The following GMNN variants were observed in gnomAD, a reference collection of about 807,000 sequenced individuals.
GMNN encodes geminin DNA replication inhibitor.
Under a neutral mutation model 20.9 loss-of-function variants are expected in GMNN, and 14 were observed. That is an observed-to-expected ratio of 0.67 (90% CI 0.44 to 1.05). The LOEUF (loss-of-function observed/expected upper bound fraction) is 1.05. GMNN is among the 50% of genes least tolerant of loss of function. GMNN has a pLI of 0.00. For synonymous variants in GMNN, 81 were observed against 85.8 expected (o/e 0.94, Z 0.31); for missense variants, 227 against 243.8 (o/e 0.93, Z 0.46).
chr6:24,785,193 G>A (rs1458335707), intron 6 of GMNN, among the ~76,000 whole-genome samples: 2 of 152,078 alleles, frequency 1.3e-5, no homozygotes, highest in Non-Finnish European at 2.9e-5. Context: ...TAGGAAGAAA[G>A]TTTTTCAAAT....
chr6:24,781,159 A>T (rs1220288464), intron 3 of GMNN, among the ~76,000 whole-genome samples: 2 of 152,144 alleles, frequency 1.3e-5, no homozygotes, highest in Non-Finnish European at 2.9e-5. Context: ...AGCCGAGGTC[A>T]CACCACTGCA....
chr6:24,781,470 A>T lies in GMNN; in HGVS notation c.130-7A>T. Reference sequence around the variant, plus strand: ...GTAAATACAGTTGATAAGTGTTTTCATTATAGCTGTCCGCAGGCTTGTCCA... The same window carrying T: ...GTAAATACAGTTGATAAGTGTTTTCTTTATAGCTGTCCGCAGGCTTGTCCA... On this transcript the variant is annotated splice_polypyrimidine_tract_variant and splice_region_variant and intron_variant, in intron 3 of 6. Coordinates refer to ENST00000230056, the MANE Select transcript of GMNN (RefSeq NM_015895.5). 6.3e-7 allele frequency: 1 copy of T among 1,579,788 alleles called. No homozygotes were observed. The highest frequency in any genetic ancestry group is 8.7e-7 in the Non-Finnish European group (1 of 1,153,120).
chr6:24,777,457 G>A (rs959416918), intron 2 of GMNN, 160 bp downstream of exon 2: 24 of 402,480 alleles, frequency 6.0e-5, no homozygotes, highest in Non-Finnish European at 8.9e-5. Context: ...AACTAATTAC[G>A]GTTGAATATT....
At position 24,785,867 on chromosome 6, in the gene GMNN, G is replaced by C. The variant is rs1780342490; in HGVS notation, c.*68G>C. 3.1e-6 allele frequency: 3 copies of C among 960,236 alleles called. No individual in the cohort carries two copies. The highest frequency in any genetic ancestry group is 4.8e-6 in the Non-Finnish European group (3 of 619,438). 59.5% of individuals were successfully genotyped at this position (960,236 alleles called of 1,614,324 possible). ...TTACCTCCACTAGTTCTTTGTAGCA[G>C]AGTACATAACTACATAATGCCAACT... On this transcript the variant is annotated 3_prime_UTR_variant, in exon 7 of 7. Coordinates refer to ENST00000230056, the MANE Select transcript of GMNN (RefSeq NM_015895.5).
At position 24,775,087 on chromosome 6, in the gene GMNN, C is replaced by G. The variant is rs1233198843; in HGVS notation, c.-183C>G. On this transcript the variant is annotated 5_prime_UTR_variant, in exon 1 of 7. Coordinates refer to ENST00000230056, the MANE Select transcript of GMNN (RefSeq NM_015895.5). ...CTGCAGCCATAGCTACGTGCGTTCG[C>G]TACGAGGATTGAGCGTCTCCACCCA... The G allele has an allele frequency of 6.6e-6, 1 of 152,448 alleles. No homozygotes were observed. Among genetic ancestry groups the G allele is most frequent in the Non-Finnish European group, 1.5e-5 (1 of 68,206 alleles). 9.4% of individuals were successfully genotyped at this position (152,448 alleles called of 1,614,324 possible).
At chr6:24,784,270 C>T in intron 5 of GMNN, 101 bp downstream of exon 5, 1 of 735,048 alleles carries the variant, frequency 1.4e-6, no homozygotes, top group Admixed American at 2.3e-5. Flanking sequence ...TTAGTATTGG[C>T]TTAAGAAAAG....
intron 2 of GMNN, among the ~76,000 whole-genome samples, chr6:24,779,635 A>G (rs982278233): frequency 2.0e-5 from 3 of 152,260 alleles, no homozygotes; most frequent in East Asian, 1.9e-4. Flanking sequence ...TGTGAAGTAC[A>G]GTGTGGAATC....
At chr6:24,784,012 G>A (rs1748892739) in intron 4 of GMNN, 75 bp from the exon 5 acceptor site, 2 of 661,478 alleles carry the variant, frequency 3.0e-6, no homozygotes. Flanking sequence ...TACTAAGATT[G>A]GAAATTTTTT....
At position 24,781,464 on chromosome 6, in the gene GMNN, GT is replaced by G. The variant is rs778318679; in HGVS notation, c.130-9del. The G allele has an allele frequency of 2.6e-6, 4 of 1,561,010 alleles. No homozygotes were observed. The South Asian group carries it at 4.6e-5, about 18-fold the overall frequency. On this transcript the variant is annotated splice_polypyrimidine_tract_variant and intron_variant, in intron 3 of 6. Coordinates refer to ENST00000230056, the MANE Select transcript of GMNN (RefSeq NM_015895.5). ...ATCAAAGTAAATACAGTTGATAAGT[GT>G]TTTCATTATAGCTGTCCGCAGGCTT...
intron 4 of GMNN, among the ~76,000 whole-genome samples, chr6:24,783,524 G>C (rs966093414): frequency 6.6e-6 from 1 of 152,074 alleles, no homozygotes; most frequent in African/African-American, 2.4e-5. Context: ...CAGATCATTA[G>C]TTAATTACTA....
intron 1 of GMNN, among the ~76,000 whole-genome samples, chr6:24,776,601 G>T (rs146059213): frequency 6.6e-6 from 1 of 152,344 alleles, no homozygotes; most frequent in Non-Finnish European, 1.5e-5. Context: ...GGGGCCAATG[G>T]GTAGTGGGCA....
rs373163076 is a variant in GMNN at position 24,781,482 on chromosome 6, C to T, written c.135C>T (p.Ser45=). Residue 45 remains serine (S), a synonymous_variant, in exon 4 of 7, where the codon TCC becomes TCT. Coordinates refer to ENST00000230056, the MANE Select transcript of GMNN (RefSeq NM_015895.5). ...GATAAGTGTTTTCATTATAGCTGTC[C>T]GCAGGCTTGTCCAAAAGGAAACATC... ...GSLVGRENEL[S]AGLSKRKHRN... The T allele has an allele frequency of 1.3e-5, 21 of 1,593,138 alleles. No homozygotes were observed. Among genetic ancestry groups the T allele is most frequent in the African/African-American group, 2.7e-5 (2 of 73,748 alleles).
At position 24,785,875 on chromosome 6, in the gene GMNN, A is replaced by G. The variant is rs1780342591; in HGVS notation, c.*76A>G. 1.2e-6 allele frequency: 1 copy of G among 855,838 alleles called. No homozygotes were observed. The highest frequency in any genetic ancestry group is 1.9e-6 in the Non-Finnish European group (1 of 540,114). The allele number at this position is 855,838 out of a possible 1,614,324, so 53.0% of individuals were successfully genotyped here. A position where few individuals can be genotyped will look rare whatever the true frequency, so the allele number is the denominator to read the frequency against. On this transcript the variant is annotated 3_prime_UTR_variant, in exon 7 of 7. Transcript: ENST00000230056. ...ACTAGTTCTTTGTAGCAGAGTACAT[A>G]ACTACATAATGCCAACTCTGGAATC...
intron 3 of GMNN, among the ~76,000 whole-genome samples, chr6:24,781,244 A>G (rs1022969014): frequency 1.3e-5 from 2 of 151,946 alleles, no homozygotes; most frequent in African/African-American, 4.8e-5. Context: ...TAAATAAATA[A>G]TTTCAGCTAA....
At chr6:24,784,603 A>T in intron 6 of GMNN, 49 bp downstream of exon 6, 3 of 832,226 alleles carry the variant, frequency 3.6e-6, no homozygotes, top group Non-Finnish European at 6.2e-6. Context: ...TTTTTCTATA[A>T]AGTTGAGGTA....
At chr6:24,780,343 C>G (rs1780176218) in intron 2 of GMNN, among the ~76,000 whole-genome samples, 1 of 152,106 alleles carries the variant, frequency 6.6e-6, no homozygotes, top group Non-Finnish European at 1.5e-5. Flanking sequence ...AACAAAATGA[C>G]CATAGCAAGA....
Position 24,784,168 on chromosome 6 carries a change from A to G in GMNN, c.356A>G (p.Lys119Arg). 1 of 1,421,734 alleles carries G rather than the reference A, an allele frequency of 7.0e-7. No homozygotes were observed. Among genetic ancestry groups the G allele is most frequent in the Non-Finnish European group, 9.9e-7 (1 of 1,006,716 alleles). The allele number at this position is 1,421,734 out of a possible 1,614,324, so 88.1% of individuals were successfully genotyped here. A position where few individuals can be genotyped will look rare whatever the true frequency, so the allele number is the denominator to read the frequency against. ...ALYEALKENE[K>R]LHKEIEQKDN... ...TATGAAGCACTTAAGGAAAATGAGA[A>G]AGTATGTATTGAGTATAATTTGTAC... The change falls in exon 5 of 7, where the codon AAA (lysine) becomes AGA (arginine). Residue 119 changes from lysine to arginine, a missense_variant and splice_region_variant. Lys to Arg is a conservative substitution (Grantham distance 26). Coordinates refer to ENST00000230056, the MANE Select transcript of GMNN (RefSeq NM_015895.5).
In GMNN at chr6:24,781,596, G is replaced by T; in HGVS notation, c.249G>T (p.Gln83His). The change falls in exon 4 of 7, where the codon CAG becomes CAT. Residue 83 changes from glutamine (Q) to histidine (H), a missense_variant. Gln to His is a conservative substitution (Grantham distance 24). Coordinates refer to ENST00000230056, the MANE Select transcript of GMNN (RefSeq NM_015895.5). The part of the protein sequence containing the change: ...SENKNLGGVT[Q>H]ESFDLMIKEN... ...ATAAAAATCTTGGAGGAGTCACCCA[G>T]GAGTCATTTGATCTTATGATTAAAG... 1 of 1,512,382 alleles carries T rather than the reference G, an allele frequency of 6.6e-7. No individual in the cohort carries two copies. The highest frequency in any genetic ancestry group is 1.4e-5 in the African/African-American group (1 of 71,016). The allele number at this position is 1,512,382 out of a possible 1,614,324, so 93.7% of individuals were successfully genotyped here. A position where few individuals can be genotyped will look rare whatever the true frequency, so the allele number is the denominator to read the frequency against.
intron 2 of GMNN, among the ~76,000 whole-genome samples, chr6:24,778,066 G>C (rs1205662836): frequency 1.3e-5 from 2 of 152,080 alleles, no homozygotes; most frequent in African/African-American, 4.8e-5. Flanking sequence ...GTTTAGTTTT[G>C]AGTTTATACT....
Sources: allele counts gnomAD v4.1 joint callset (sites outside exome capture counted in the v4.1 genomes callset), GRCh38; gene constraint gnomAD v4.1.1; transcripts MANE v1.5; gene names NCBI Gene and HGNC (gene_info 2026-07-23, HGNC 2026-07-21).